SHCBP1: variants seen among roughly 807,000 people sequenced by gnomAD.
SHCBP1 encodes the protein SHC binding and spindle associated 1.
In SHCBP1, 60 loss-of-function variants were observed where a neutral mutation model predicts 75.1. The observed-to-expected ratio is 0.80, with a 90% confidence interval of 0.65 to 0.99. The LOEUF (loss-of-function observed/expected upper bound fraction) is 0.99. Among genes scored for constraint, SHCBP1 ranks in the 50% least tolerant of loss-of-function variants. The pLI, the probability that SHCBP1 is intolerant of heterozygous loss-of-function variation, is 0.00. For synonymous variants in SHCBP1, 290 were observed against 293.2 expected (o/e 0.99, Z 0.11); for missense variants, 709 against 809.4 (o/e 0.88, Z 1.50).
chr16:46,618,335 G>A lies in SHCBP1; in HGVS notation c.141C>T (p.Ser47=). 1.2e-6 allele frequency: 2 copies of A among 1,611,770 alleles called. No homozygotes were observed. Among genetic ancestry groups the A allele is most frequent in the Non-Finnish European group, 1.7e-6 (2 of 1,179,384 alleles). ...AACTAGAACCTGGTTTATCACGGTA[G>A]CTACAATCACTGCATGAATCTTCAT... ...FQDEDSCSDC[S]YRDKPGSSLQ... Residue 47 remains serine, a synonymous_variant, in exon 2 of 13, where the codon AGC becomes AGT. Transcript: ENST00000303383.
At position 46,621,264 on chromosome 16, in the gene SHCBP1, C is replaced by T; in HGVS notation, c.96G>A (p.Leu32=). 2.5e-6 allele frequency: 4 copies of T among 1,608,426 alleles called. No individual in the cohort carries two copies. Among genetic ancestry groups the T allele is most frequent in the Middle Eastern group, 3.3e-4 (2 of 6,050 alleles). Residue 32 remains leucine, a synonymous_variant, in exon 1 of 13, where the codon CTG becomes CTA. Coordinates refer to ENST00000303383, the MANE Select transcript of SHCBP1 (RefSeq NM_024745.5). ...GWAVEQELAS[L]EKGLFQDEDS... ...CCGGCATGGAGAGCTCACCTTTCTC[C>T]AGAGACGCCAGCTCCTGCTCCACCG...
Position 46,595,658 on chromosome 16 carries a change from C to T in SHCBP1, c.1358G>A (p.Gly453Asp). ...CACACAGTTTTCCAGCGTAGTCTTA[C>T]CACGGTGAACAACTGGGATGAAAAT... ...AVEGILIVHR[G>D]KTTLENCVLQ... The change falls in exon 10 of 13, where the codon GGT becomes GAT. Residue 453 changes from glycine (G) to aspartate (D), a missense_variant. By Grantham distance (94) the Gly-to-Asp change is moderately conservative. Transcript: ENST00000303383. 6.2e-7 allele frequency: 1 copy of T among 1,613,566 alleles called. No individual in the cohort carries two copies. Among genetic ancestry groups the T allele is most frequent in the East Asian group, 2.2e-5 (1 of 44,878 alleles).
chr16:46,584,327 A>T, intron 10 of SHCBP1: 1 of 219,330 alleles, frequency 4.6e-6, no homozygotes, highest in Non-Finnish European at 8.6e-6. Flanking sequence ...ACACACACAC[A>T]CACGCTAAGA....
intron 4 of SHCBP1, among the ~76,000 whole-genome samples, chr16:46,610,558 T>TTTTTTTTTTTTTC (rs1965399552): frequency 8.6e-6 from 1 of 116,696 alleles, no homozygotes; most frequent in Non-Finnish European, 1.8e-5. Context: ...TTTTTTTTTT[T>TTTTTTTTTTTTTC]TTTTTTTTTT....
intron 8 of SHCBP1, among the ~76,000 whole-genome samples, chr16:46,601,106 C>T (rs569547408): frequency 2.6e-5 from 4 of 152,122 alleles, no homozygotes; most frequent in South Asian, 2.1e-4. Context: ...GTCAGGAGTT[C>T]GAGACCAGCC....
chr16:46,583,100 C>A (rs1392711590), intron 12 of SHCBP1, among the ~76,000 whole-genome samples: 1 of 152,170 alleles, frequency 6.6e-6, no homozygotes, highest in Admixed American at 6.5e-5. Context: ...TTCAGCCTGG[C>A]ACATTCATTT....
At chr16:46,609,550 C>T (rs746514150) in intron 4 of SHCBP1, among the ~76,000 whole-genome samples, 5 of 143,084 alleles carry the variant, frequency 3.5e-5, no homozygotes, top group African/African-American at 1.3e-4. Context: ...CTCCTGGGTT[C>T]GAGCAATTCT....
chr16:46,604,025 G>C lies in SHCBP1; in HGVS notation c.1042C>G (p.Leu348Val), dbSNP rs771963584. ...TMMAGLLRSL[L>V]TDRLCQEPGE... is the part of the protein sequence containing the mutation. ...GGCTCCTGGCAAAGCCTGTCCGTAA[G>C]CAGGGACCGCAGGAGACCAGCCATC... Residue 348 changes from leucine (L) to valine (V), a missense_variant, in exon 7 of 13, where the codon CTT (leucine) becomes GTT (valine). Physicochemically the swap from Leu to Val is conservative, Grantham distance 32. Transcript: ENST00000303383. The C allele has an allele frequency of 9.3e-6, 15 of 1,613,994 alleles. No individual in the cohort carries two copies. Among genetic ancestry groups the C allele is most frequent in the Admixed American group, 1.7e-5 (1 of 59,964 alleles).
At chr16:46,615,906 T>G (rs1393392405) in intron 4 of SHCBP1, 40 bp downstream of exon 4, 1 of 1,602,274 alleles carries the variant, frequency 6.2e-7, no homozygotes, top group South Asian at 1.1e-5. Context: ...CATCCAAAGT[T>G]TCTGGCCACA....
chr16:46,618,151 G>C, intron 2 of SHCBP1, 54 bp downstream of exon 2: 1 of 1,523,700 alleles, frequency 6.6e-7, no homozygotes, highest in East Asian at 2.3e-5. Context: ...ACTCCAGCCT[G>C]GACAACAAGA....
At chr16:46,585,597 C>T (rs1399582475) in intron 10 of SHCBP1, among the ~76,000 whole-genome samples, 6 of 152,160 alleles carry the variant, frequency 3.9e-5, no homozygotes, top group South Asian at 2.1e-4. Flanking sequence ...TAGCTCTATT[C>T]CAGGTAAACA....
chr16:46,596,344 A>G (rs950359283), intron 9 of SHCBP1, among the ~76,000 whole-genome samples: 4 of 151,898 alleles, frequency 2.6e-5, no homozygotes, highest in African/African-American at 9.7e-5. Context: ...CGTCTCTACT[A>G]AAAAACACAA....
At chr16:46,593,980 A>G (rs1188814102) in intron 10 of SHCBP1, among the ~76,000 whole-genome samples, 1 of 152,140 alleles carries the variant, frequency 6.6e-6, no homozygotes, top group Non-Finnish European at 1.5e-5. Context: ...AAATCACTCT[A>G]CCTGATTTTA....
chr16:46,617,025 T>C (rs947376493), intron 3 of SHCBP1, among the ~76,000 whole-genome samples: 19 of 152,200 alleles, frequency 1.2e-4, no homozygotes, highest in African/African-American at 4.3e-4. Context: ...GGGCTTTTTG[T>C]GGTCAGTTAA....
At chr16:46,593,700 C>T (rs2142998956) in intron 10 of SHCBP1, among the ~76,000 whole-genome samples, 1 of 150,940 alleles carries the variant, frequency 6.6e-6, no homozygotes, top group South Asian at 2.1e-4. Context: ...GTTCATGCCA[C>T]CGCATTCCAG....
chr16:46,600,432 C>T lies in SHCBP1; in HGVS notation c.1214-470G>A, dbSNP rs965192201. Reference sequence around the variant, plus strand: ...AGTAAGCTATGATCATGCCATTGCACTCCAGCCTTCATTCTGGGTGACAGA... The same window carrying T: ...AGTAAGCTATGATCATGCCATTGCATTCCAGCCTTCATTCTGGGTGACAGA... On this transcript the variant is annotated intron_variant, in intron 8 of 12. Transcript: ENST00000303383. Among the ~76,000 whole-genome samples the T allele has an allele frequency of 5.3e-5, 8 of 152,074 alleles. No homozygotes were observed. The South Asian group carries it at 1.0e-3, about 20-fold the overall frequency.
At chr16:46,596,813 T>C (rs1381400302) in intron 9 of SHCBP1, among the ~76,000 whole-genome samples, 2 of 151,876 alleles carry the variant, frequency 1.3e-5, no homozygotes, top group Non-Finnish European at 2.9e-5. Flanking sequence ...CTGCAACCTC[T>C]GCTTCCCAGG....
At chr16:46,596,538 T>C (rs1351128514) in intron 9 of SHCBP1, among the ~76,000 whole-genome samples, 4 of 151,602 alleles carry the variant, frequency 2.6e-5, no homozygotes. Context: ...TGCCTCAGCC[T>C]CCTGAGTAGC....
intron 10 of SHCBP1, among the ~76,000 whole-genome samples, chr16:46,592,265 G>T (rs1157954533): frequency 6.6e-6 from 1 of 152,016 alleles, no homozygotes. Flanking sequence ...GCATGAAACA[G>T]GGATCATTAC....
Sources: allele counts gnomAD v4.1 joint callset (sites outside exome capture counted in the v4.1 genomes callset), GRCh38; gene constraint gnomAD v4.1.1; transcripts MANE v1.5; gene names NCBI Gene and HGNC (gene_info 2026-07-23, HGNC 2026-07-21).